The following NIPBL variants were observed in gnomAD, a reference collection of about 807,000 sequenced individuals.
NIPBL encodes NIPBL cohesin loading factor.
A neutral mutation model predicts 321.8 loss-of-function variants in NIPBL; 19 were observed. The ratio of observed to expected loss-of-function variants is 0.06; its 90% CI spans 0.04 to 0.09. NIPBL has a LOEUF of 0.09. Among genes scored for constraint, NIPBL ranks in the 10% least tolerant of loss-of-function variants. The pLI is 1.00. For synonymous variants in NIPBL, 1,106 were observed against 1,114.1 expected (o/e 0.99, Z 0.14); for missense variants, 2,210 against 3,327.0 (o/e 0.66, Z 8.26).
intron 27 of NIPBL, among the ~76,000 whole-genome samples, chr5:37,021,564 C>T (rs1034018160): frequency 6.6e-6 from 1 of 151,900 alleles, no homozygotes; most frequent in Non-Finnish European, 1.5e-5. Context: ...GCCTGTAGTC[C>T]CAGCTACTCA....
intron 5 of NIPBL, among the ~76,000 whole-genome samples, chr5:36,961,804 A>G (rs949973638): frequency 6.6e-6 from 1 of 152,252 alleles, no homozygotes; most frequent in Admixed American, 6.5e-5. Context: ...AATTTCATAC[A>G]GACAAAAAAT....
intron 1 of NIPBL, among the ~76,000 whole-genome samples, chr5:36,933,922 G>GT (rs1187526358): frequency 6.6e-6 from 1 of 151,724 alleles, no homozygotes; most frequent in Admixed American, 6.6e-5. Context: ...AGAGTATGGG[G>GT]GGGTGGGCAG....
intron 33 of NIPBL, among the ~76,000 whole-genome samples, chr5:37,037,805 A>G (rs1751880771): frequency 6.6e-6 from 1 of 151,824 alleles, no homozygotes; most frequent in Admixed American, 6.6e-5. Context: ...CTGATTAGCA[A>G]CATTTTCTTC....
rs148675296 is a variant in NIPBL, at chr5:37,022,169, C to T, written c.5427+20C>T. 1.2e-6 allele frequency: 2 copies of T among 1,613,044 alleles called. No homozygotes were observed. The highest frequency in any genetic ancestry group is 4.5e-5 in the East Asian group (2 of 44,842). ...GCAAGGGTAAAGAGCAAAAATGATTCTTTCTTTTCTACTCGAATTGGAATA... is the reference window on the plus strand; with the variant it reads ...GCAAGGGTAAAGAGCAAAAATGATTTTTTCTTTTCTACTCGAATTGGAATA... On this transcript the variant is annotated intron_variant, in intron 28 of 46. Transcript: ENST00000282516.
Position 36,996,488 on chromosome 5 carries a change from A to G in NIPBL, c.3304+684A>G, listed in dbSNP as rs1350592548. 4.4e-6 allele frequency: 2 copies of G among 456,650 alleles called. No homozygotes were observed. Among genetic ancestry groups the G allele is most frequent in the Non-Finnish European group, 8.8e-6 (2 of 226,928 alleles). 28.3% of individuals were successfully genotyped at this position (456,650 alleles called of 1,614,324 possible). ...GTTTTCCAGAGCTGGCTTCTTCACT[A>G]CACAGCTACCTCTCTACAACACTGT... On this transcript the variant is annotated intron_variant, in intron 11 of 46. Transcript: ENST00000282516. This position sits in a 1 kb window ranked among gnomAD's most constrained non-coding sequence, Gnocchi z 5.0.
chr5:36,897,046 G>A (rs1746801907), intron 1 of NIPBL, among the ~76,000 whole-genome samples: 3 of 150,044 alleles, frequency 2.0e-5, no homozygotes, highest in Admixed American at 2.0e-4. Context: ...ACTGTCACCC[G>A]GGCTGCAGTG....
chr5:36,977,637 T>G (rs974561607), intron 9 of NIPBL, among the ~76,000 whole-genome samples: 2 of 151,190 alleles, frequency 1.3e-5, no homozygotes, highest in Non-Finnish European at 3.0e-5. Context: ...AGGGGATATA[T>G]GTACAGGGGT....
At chr5:36,891,137 C>T (rs1163037898) in intron 1 of NIPBL, among the ~76,000 whole-genome samples, 6 of 151,850 alleles carry the variant, frequency 4.0e-5, no homozygotes, top group Non-Finnish European at 2.9e-5. Context: ...CAGTGGCGGG[C>T]GCCTGTAGTT....
At chr5:36,916,703 A>G (rs1357943516) in intron 1 of NIPBL, among the ~76,000 whole-genome samples, 1 of 143,096 alleles carries the variant, frequency 7.0e-6, no homozygotes. Context: ...TCCCGTGTCC[A>G]AGGGTTCCCA....
chr5:37,064,198 A>G (rs930018306), intron 46 of NIPBL: 40 of 1,408,580 alleles, frequency 2.8e-5, no homozygotes, highest in Admixed American at 1.2e-4. Context: ...TTTATCCAGC[A>G]TAAAGGGTTA....
At chr5:36,989,247 T>C (rs944737880) in intron 10 of NIPBL, among the ~76,000 whole-genome samples, 2 of 152,190 alleles carry the variant, frequency 1.3e-5, no homozygotes, top group African/African-American at 4.8e-5. Context: ...GAAAACCTGC[T>C]TATAGTAATA....
chr5:37,033,599 C>A, intron 32 of NIPBL, among the ~76,000 whole-genome samples: 1 of 147,636 alleles, frequency 6.8e-6, no homozygotes. Flanking sequence ...AAAATCAACT[C>A]CATATAGATT....
At chr5:37,033,838 G>T (rs1300631052) in intron 32 of NIPBL, among the ~76,000 whole-genome samples, 1 of 148,268 alleles carries the variant, frequency 6.7e-6, no homozygotes, top group Non-Finnish European at 1.5e-5. Context: ...GAGTAGCTGG[G>T]ACTACAAGCA....
intron 1 of NIPBL, among the ~76,000 whole-genome samples, chr5:36,888,554 C>T (rs1746088560): frequency 6.6e-6 from 1 of 152,052 alleles, no homozygotes; most frequent in Admixed American, 6.5e-5. Context: ...AACATTTTCA[C>T]TTTTATTGCA....
At chr5:36,925,212 A>G (rs989150752) in intron 1 of NIPBL, among the ~76,000 whole-genome samples, 4 of 152,062 alleles carry the variant, frequency 2.6e-5, no homozygotes, top group African/African-American at 4.8e-5. Flanking sequence ...CTAGTATATC[A>G]TATCTCCAAA....
chr5:36,984,987 A>C lies in NIPBL; in HGVS notation c.1807A>C (p.Lys603Gln), dbSNP rs138828510. 72 of 1,613,948 alleles carry C rather than the reference A, an allele frequency of 4.5e-5. No homozygotes were observed. In the African/African-American group the frequency reaches 8.4e-4, roughly 19 times the overall value. ...AAACCATCCTGAGACACCTAAAAAA[A>C]AGTCTGATCCTGAGCTTTCAAAGAG... ...PENHPETPKKKSDPELSKSEM... is the reference protein window; with the variant it reads ...PENHPETPKKQSDPELSKSEM... Residue 603 changes from lysine (K) to glutamine (Q), a missense_variant, in exon 10 of 47, where the codon AAG becomes CAG. Coordinates refer to ENST00000282516, the MANE Select transcript of NIPBL (RefSeq NM_133433.4).
At chr5:36,972,150 ATTGT>A in intron 8 of NIPBL, 109 bp downstream of exon 8, 1 of 738,088 alleles carries the variant, frequency 1.4e-6, no homozygotes, top group Non-Finnish European at 2.3e-6. Flanking sequence ...TTTTTTTTTC[ATTGT>A]AGAAAAAAAA....
chr5:37,023,248 A>C (rs1749857758), intron 29 of NIPBL, among the ~76,000 whole-genome samples: 1 of 152,204 alleles, frequency 6.6e-6, no homozygotes, highest in Non-Finnish European at 1.5e-5. Flanking sequence ...CCATCTTTTG[A>C]AGGGTAAAAT....
At chr5:36,986,649 T>C (rs1352143610) in intron 10 of NIPBL, among the ~76,000 whole-genome samples, 1 of 152,202 alleles carries the variant, frequency 6.6e-6, no homozygotes, top group Non-Finnish European at 1.5e-5. Context: ...AAACTCTCTA[T>C]TTAAAAATGT....
Sources: allele counts gnomAD v4.1 joint callset (sites outside exome capture counted in the v4.1 genomes callset), GRCh38; gene constraint gnomAD v4.1.1; non-coding constraint Gnocchi (gnomAD v3.1); transcripts MANE v1.5; gene names NCBI Gene and HGNC (gene_info 2026-07-23, HGNC 2026-07-21).